The following ARID3B variants were observed in gnomAD, a reference collection of about 807,000 sequenced individuals.
ARID3B encodes the protein AT-rich interaction domain 3B.
ARID3B carries 10 observed loss-of-function variants against 51.9 expected under a neutral mutation model. The ratio of observed to expected loss-of-function variants is 0.19; its 90% CI spans 0.12 to 0.33. The LOEUF is 0.33. Ranked by LOEUF, ARID3B falls within the 10% of genes least tolerant of loss-of-function variation. ARID3B has a pLI of 1.00. For synonymous variants in ARID3B, 205 were observed against 279.5 expected (o/e 0.73, Z 2.66); for missense variants, 483 against 716.3 (o/e 0.67, Z 3.72).
intron 4 of ARID3B, among the ~76,000 whole-genome samples, chr15:74,582,048 C>T (rs993301165): frequency 3.9e-5 from 6 of 152,202 alleles, no homozygotes; most frequent in African/African-American, 2.4e-5. Flanking sequence ...CAGCCTTCCA[C>T]TCCTCTCCTG....
Position 74,544,166 on chromosome 15 carries a change from C to T in ARID3B, c.230C>T (p.Ala77Val). ...GPLARVPPTA[A>V]VAQVFERGNM... ...TTAGCCAGAGTTCCACCCACCGCAG[C>T]AGTGGCCCAAGTGTTTGAACGGGGC... Residue 77 changes from alanine (A) to valine (V), a missense_variant, in exon 2 of 9, where the codon GCA becomes GTA. This residue lies in a region of ARID3B where 182 missense variants were observed against 244.5 expected (regional missense o/e 0.74). Transcript: ENST00000346246. 6.2e-7 allele frequency: 1 copy of T among 1,613,772 alleles called. No individual in the cohort carries two copies. Among genetic ancestry groups the T allele is most frequent in the Non-Finnish European group, 8.5e-7 (1 of 1,179,754 alleles).
chr15:74,576,441 A>T (rs772725010), intron 4 of ARID3B, among the ~76,000 whole-genome samples: 21 of 152,128 alleles, frequency 1.4e-4, no homozygotes, highest in Non-Finnish European at 2.6e-4. Flanking sequence ...TGGGAGGCTG[A>T]GGTGGGAGGC....
Position 74,572,951 on chromosome 15 carries a change from T to G in ARID3B, c.624+18T>G. On this transcript the variant is annotated intron_variant, in intron 3 of 8. Transcript: ENST00000346246. ...TTGCCAAGGTCTGTAATACTTCCTTTGTGATACAGATAGGGGCAGTTCTGC... is the reference window on the plus strand; with the variant it reads ...TTGCCAAGGTCTGTAATACTTCCTTGGTGATACAGATAGGGGCAGTTCTGC... 1 of 1,613,596 alleles carries G rather than the reference T, an allele frequency of 6.2e-7. No individual in the cohort carries two copies. The highest frequency in any genetic ancestry group is 1.1e-5 in the South Asian group (1 of 91,076).
At chr15:74,576,416 G>A (rs2061737687) in intron 4 of ARID3B, among the ~76,000 whole-genome samples, 1 of 151,988 alleles carries the variant, frequency 6.6e-6, no homozygotes, top group African/African-American at 2.4e-5. Flanking sequence ...GCTCACGCCT[G>A]TAATCCCACC....
At chr15:74,567,837 CTGTT>C (rs771367274) in intron 2 of ARID3B, among the ~76,000 whole-genome samples, 20 of 152,178 alleles carry the variant, frequency 1.3e-4, no homozygotes, top group Non-Finnish European at 2.5e-4. Flanking sequence ...CAAAGATAGT[CTGTT>C]TATTTCCCCT....
At position 74,597,861 on chromosome 15, in the gene ARID3B, A is replaced by C; in HGVS notation, c.*2087A>C. ...GCAGGGTGTCACCCAGAGCCCGATG[A>C]GGGGTGCCAGCAGGTGCCCCCACGA... On this transcript the variant is annotated 3_prime_UTR_variant, in exon 9 of 9. Coordinates refer to ENST00000346246, the MANE Select transcript of ARID3B (RefSeq NM_006465.4). 1.9e-6 allele frequency: 1 copy of C among 526,986 alleles called. No homozygotes were observed. Among genetic ancestry groups the C allele is most frequent in the East Asian group, 4.0e-5 (1 of 25,276 alleles). The allele number at this position is 526,986 out of a possible 1,614,324, so 32.6% of individuals were successfully genotyped here. A position where few individuals can be genotyped will look rare whatever the true frequency, so the allele number is the denominator to read the frequency against.
chr15:74,546,466 A>C (rs2061616303), intron 2 of ARID3B, among the ~76,000 whole-genome samples: 1 of 152,232 alleles, frequency 6.6e-6, no homozygotes, highest in Non-Finnish European at 1.5e-5. Flanking sequence ...GTCTGTCTTC[A>C]GGAAGTGTAG....
At chr15:74,583,031 C>CA (rs563528666) in intron 4 of ARID3B, among the ~76,000 whole-genome samples, 1,680 of 102,760 alleles carry the variant, frequency 0.016, 16 homozygotes, top group African/African-American at 0.042. Flanking sequence ...CCATCTCTAC[C>CA]AAAAAAAAAA....
rs1406040708 is a variant in ARID3B, at chr15:74,596,805, T to A, written c.*1031T>A. The A allele has an allele frequency of 1.7e-5, 4 of 232,028 alleles. No homozygotes were observed. The highest frequency in any genetic ancestry group is 1.7e-5 in the Non-Finnish European group (2 of 117,822). The allele number at this position is 232,028 out of a possible 1,614,324, so 14.4% of individuals were successfully genotyped here. A position where few individuals can be genotyped will look rare whatever the true frequency, so the allele number is the denominator to read the frequency against. On this transcript the variant is annotated 3_prime_UTR_variant, in exon 9 of 9. Coordinates refer to ENST00000346246, the MANE Select transcript of ARID3B (RefSeq NM_006465.4). ...GTTTTGCTGACTTTTGTTTTTTTTT[T>A]ATTTTAAAATTTTTATCGTAGCACC...
chr15:74,593,025 A>C (rs997232117), intron 7 of ARID3B, 113 bp from the exon 8 acceptor site: 1 of 803,948 alleles, frequency 1.2e-6, no homozygotes, highest in Non-Finnish European at 2.0e-6. Flanking sequence ...GGTTACATAG[A>C]TGCCTTTTAA....
At chr15:74,558,087 C>G (rs1467327621) in intron 2 of ARID3B, among the ~76,000 whole-genome samples, 3 of 151,700 alleles carry the variant, frequency 2.0e-5, no homozygotes, top group East Asian at 1.9e-4. Flanking sequence ...TCCCAAAGTG[C>G]TGGGATTACA....
chr15:74,585,857 TAGA>T (rs1567125823), intron 4 of ARID3B, among the ~76,000 whole-genome samples: 1 of 152,204 alleles, frequency 6.6e-6, no homozygotes, highest in Admixed American at 6.5e-5. Flanking sequence ...TCTCAGTTGT[TAGA>T]AGAATCAAAG....
At chr15:74,562,524 GTC>G (rs1236633380) in intron 2 of ARID3B, among the ~76,000 whole-genome samples, 3 of 152,104 alleles carry the variant, frequency 2.0e-5, no homozygotes. Flanking sequence ...GGGTCTCACT[GTC>G]TCCCGGGGGG....
chr15:74,554,923 C>T (rs1214740265), intron 2 of ARID3B, among the ~76,000 whole-genome samples: 1 of 151,848 alleles, frequency 6.6e-6, no homozygotes, highest in Non-Finnish European at 1.5e-5. Context: ...ATTAAGTATA[C>T]AGTAGCTTTC....
At chr15:74,571,850 T>C (rs904978897) in intron 2 of ARID3B, among the ~76,000 whole-genome samples, 3 of 152,204 alleles carry the variant, frequency 2.0e-5, no homozygotes, top group African/African-American at 7.2e-5. Flanking sequence ...ATGCCTGTAA[T>C]CCCAGCACTT....
chr15:74,593,104 T>C lies in ARID3B; in HGVS notation c.1421-34T>C, dbSNP rs754573590. The C allele has an allele frequency of 2.0e-5, 32 of 1,602,068 alleles. No individual in the cohort carries two copies. The Admixed American group carries it at 3.3e-4, about 17-fold the overall frequency. On this transcript the variant is annotated intron_variant, in intron 7 of 8. Transcript: ENST00000346246. ...GGACAACAGGAGTGCTGTGGAAGGCTTGACCAGGCCCACTGTCTCCCTGTC... is the reference window on the plus strand; with the variant it reads ...GGACAACAGGAGTGCTGTGGAAGGCCTGACCAGGCCCACTGTCTCCCTGTC...
chr15:74,584,002 T>A lies in ARID3B; in HGVS notation c.698-5818T>A, dbSNP rs539637889. On this transcript the variant is annotated intron_variant, in intron 4 of 8. Transcript: ENST00000346246. The stretch of plus-strand genomic sequence containing the variant: ...CCTGATTTCCCAGTGGGAGACCTTT[T>A]TCCTTTTCCTTTCCCGTTTCTTTTT... Among the ~76,000 whole-genome samples the A allele has an allele frequency of 2.1e-3, 323 of 152,326 alleles. 1 individual carries two copies. Among genetic ancestry groups the A allele is most frequent in the African/African-American group, 7.5e-3 (310 of 41,578 alleles).
chr15:74,555,067 A>G (rs1323968912), intron 2 of ARID3B, among the ~76,000 whole-genome samples: 1 of 152,208 alleles, frequency 6.6e-6, no homozygotes, highest in Non-Finnish European at 1.5e-5. Flanking sequence ...TGATCACTAT[A>G]CATAATATGT....
chr15:74,586,323 A>G (rs538623317), intron 4 of ARID3B, among the ~76,000 whole-genome samples: 1 of 152,184 alleles, frequency 6.6e-6, no homozygotes, highest in African/African-American at 2.4e-5. Context: ...CACCACTGTG[A>G]CCCTTCCTTG....
Sources: gnomAD v4.1 joint callset for allele counts (sites outside exome capture counted in the v4.1 genomes callset) on GRCh38, gnomAD v4.1.1 for gene constraint, gnomAD v4.1.1 regional missense constraint, MANE v1.5 for transcripts, NCBI Gene and HGNC (gene_info 2026-07-23, HGNC 2026-07-21) for gene names.